The following APC variants were observed in gnomAD, a reference collection of about 807,000 sequenced individuals.
APC encodes the protein APC regulator of Wnt signaling pathway.
APC carries 72 observed loss-of-function variants against 247.0 expected under a neutral mutation model. The ratio of observed to expected loss-of-function variants is 0.29; its 90% confidence interval spans 0.24 to 0.35. The LOEUF (loss-of-function observed/expected upper bound fraction) is 0.35, where lower values mean the gene tolerates loss of function less well. APC is among the 10% of genes least tolerant of loss of function. The pLI, the probability that APC is intolerant of heterozygous loss-of-function variation, is 1.00. For missense variants in APC, 3,400 were observed against 3,360.7 expected (o/e 1.01, Z -0.29); for synonymous variants, 1,254 against 1,162.5 (o/e 1.08, Z -1.60).
chr5:112,712,816 T>C (rs533435323), intron 1 of APC, among the ~76,000 whole-genome samples: 1 of 152,316 alleles, frequency 6.6e-6, no homozygotes, highest in African/African-American at 2.4e-5. Flanking sequence ...GTGTCAGATC[T>C]TGAATATATC....
chr5:112,770,076 A>G (rs1354895650), intron 4 of APC, among the ~76,000 whole-genome samples: 4 of 152,184 alleles, frequency 2.6e-5, no homozygotes, highest in African/African-American at 9.6e-5. Context: ...TTATGTAGGC[A>G]AAGTCCTGAT....
Position 112,801,358 on chromosome 5 carries a change from A to C in APC, c.809A>C (p.Asn270Thr), listed in dbSNP as rs758069998. Residue 270 changes from asparagine (N) to threonine (T), a missense_variant, in exon 8 of 16, where the codon AAC becomes ACC. Transcript: ENST00000257430. ...GAAGGTCAAGGAGTGGGAGAAATCA[A>C]CATGGCAACTTCTGGTAATGGTCAG... ...QNEGQGVGEI[N>T]MATSGNGQGS... The C allele has an allele frequency of 6.2e-7, 1 of 1,611,774 alleles. No homozygotes were observed. The highest frequency in any genetic ancestry group is 1.3e-5 in the African/African-American group (1 of 74,882).
At chr5:112,741,444 G>A (rs1753004468) in intron 1 of APC, among the ~76,000 whole-genome samples, 1 of 152,070 alleles carries the variant, frequency 6.6e-6, no homozygotes, top group Non-Finnish European at 1.5e-5. Context: ...AGTTGACTTT[G>A]TAAATCAAAT....
rs1554067110 is a variant in APC at position 112,754,912 on chromosome 5, C to G, written c.22C>G (p.Gln8Glu). 6.2e-7 allele frequency: 1 copy of G among 1,613,660 alleles called. No homozygotes were observed. Reference sequence around the variant, plus strand: ...AAGGATGGCTGCAGCTTCATATGATCAGTTGTTAAAGCAAGTTGAGGCACT... The same window carrying G: ...AAGGATGGCTGCAGCTTCATATGATGAGTTGTTAAAGCAAGTTGAGGCACT... MAAASYD[Q>E]LLKQVEALKM... is the part of the protein sequence containing the mutation. The change falls in exon 2 of 16, where the codon CAG becomes GAG. Residue 8 changes from glutamine to glutamate, a missense_variant. By Grantham distance (29) the Gln-to-Glu change is conservative. Transcript: ENST00000257430.
intron 1 of APC, among the ~76,000 whole-genome samples, chr5:112,723,337 T>A (rs1751589459): frequency 6.6e-6 from 1 of 152,010 alleles, no homozygotes; most frequent in Non-Finnish European, 1.5e-5. Flanking sequence ...TGGTGCAGCC[T>A]TGTGGTGCCA....
chr5:112,816,338 G>C (rs1762508688), intron 9 of APC, among the ~76,000 whole-genome samples: 1 of 152,170 alleles, frequency 6.6e-6, no homozygotes. Context: ...ATCTTTTGCT[G>C]TGTCTAACAG....
At chr5:112,818,921 G>T (rs759050629) in intron 9 of APC, 45 bp from the exon 10 acceptor site, 2 of 1,605,860 alleles carry the variant, frequency 1.2e-6, no homozygotes, top group Admixed American at 1.7e-5. Context: ...TTGGCTTTTG[G>T]ATATTAAAGT....
rs200166878 is a variant in APC, at chr5:112,839,843, A to C, written c.4249A>C (p.Ile1417Leu). ...SEPCSGMVSG[I>L]ISPSDLPDSP... ...ACCATGCAGTGGAATGGTAAGTGGC[A>C]TTATAAGCCCCAGTGATCTTCCAGA... Residue 1417 changes from isoleucine (I) to leucine (L), a missense_variant, in exon 16 of 16, where the codon ATT (isoleucine) becomes CTT (leucine). Coordinates refer to ENST00000257430, the MANE Select transcript of APC (RefSeq NM_000038.6). The surrounding 1 kb of genome is among the most constrained non-coding windows in gnomAD (Gnocchi z 5.0). The C allele has an allele frequency of 4.1e-5, 66 of 1,613,998 alleles. No individual in the cohort carries two copies. The highest frequency in any genetic ancestry group is 2.7e-4 in the Admixed American group (16 of 59,984).
Position 112,766,334 on chromosome 5 carries a change from T to C in APC, c.144T>C (p.Leu48=). 6.2e-7 allele frequency: 1 copy of C among 1,602,954 alleles called. No individual in the cohort carries two copies. The highest frequency in any genetic ancestry group is 8.5e-7 in the Non-Finnish European group (1 of 1,170,088). The change falls in exon 3 of 16, where the codon CTT becomes CTC. Residue 48 remains leucine (L), a synonymous_variant. Coordinates refer to ENST00000257430, the MANE Select transcript of APC (RefSeq NM_000038.6). ...TGTGTTCTTTTTAACAGGAAGTACTTAAACAACTACAAGGAAGTATTGAAG... is the reference window on the plus strand; with the variant it reads ...TGTGTTCTTTTTAACAGGAAGTACTCAAACAACTACAAGGAAGTATTGAAG... ...ETEASNMKEV[L]KQLQGSIEDE...
Position 112,803,991 on chromosome 5 carries a change from A to G in APC, c.834+2608A>G, listed in dbSNP as rs1761108142. ...CTTACTCTTCCAAGAGTATCTCACAATATTTGCCCACATTTCTCACCACTC... is the reference window on the plus strand; with the variant it reads ...CTTACTCTTCCAAGAGTATCTCACAGTATTTGCCCACATTTCTCACCACTC... On this transcript the variant is annotated intron_variant, in intron 8 of 15. Transcript: ENST00000257430. Among the ~76,000 whole-genome samples, 3 of 152,172 alleles carry G rather than the reference A, an allele frequency of 2.0e-5. No individual in the cohort carries two copies. In the South Asian group the frequency reaches 6.2e-4, roughly 32 times the overall value.
chr5:112,834,110 T>C (rs904342294), intron 14 of APC, among the ~76,000 whole-genome samples: 5 of 151,944 alleles, frequency 3.3e-5, no homozygotes, highest in African/African-American at 1.2e-4. Context: ...AGCTCATTTT[T>C]TTTTTATTTT....
chr5:112,794,943 G>A (rs1760041119), intron 7 of APC, among the ~76,000 whole-genome samples: 1 of 152,226 alleles, frequency 6.6e-6, no homozygotes, highest in South Asian at 2.1e-4. Context: ...AGGAAGGGGT[G>A]TAGGAATGGG....
chr5:112,803,900 T>G (rs1303024888), intron 8 of APC, among the ~76,000 whole-genome samples: 2 of 152,222 alleles, frequency 1.3e-5, no homozygotes, highest in African/African-American at 4.8e-5. Context: ...ATTATATCAC[T>G]TATTTGTTTA....
chr5:112,771,659 T>A (rs564665286), intron 4 of APC, among the ~76,000 whole-genome samples: 7 of 152,302 alleles, frequency 4.6e-5, no homozygotes, highest in African/African-American at 1.4e-4. Flanking sequence ...AGCTTTTGAA[T>A]GTTTTGGTAT....
chr5:112,812,882 T>G (rs1171298173), intron 8 of APC, among the ~76,000 whole-genome samples: 2 of 152,220 alleles, frequency 1.3e-5, no homozygotes, highest in African/African-American at 4.8e-5. Flanking sequence ...AGTCAATAGC[T>G]GGTGGCAGTG....
Position 112,818,950 on chromosome 5 carries a change from C to T in APC, c.934-16C>T. 1 of 1,539,462 alleles carries T rather than the reference C, an allele frequency of 6.5e-7. No homozygotes were observed. Among genetic ancestry groups the T allele is most frequent in the Non-Finnish European group, 8.8e-7 (1 of 1,135,778 alleles). ...TTAAAGTCGTAATTTTGTTTCTAAA[C>T]TCATTTGGCCCACAGGTGGAAATGG... On this transcript the variant is annotated splice_polypyrimidine_tract_variant and intron_variant, in intron 9 of 15. Transcript: ENST00000257430.
At chr5:112,714,371 T>G (rs945449150) in intron 1 of APC, among the ~76,000 whole-genome samples, 2 of 152,234 alleles carry the variant, frequency 1.3e-5, no homozygotes, top group African/African-American at 4.8e-5. Context: ...TGCTTTGCCT[T>G]TTGAAAGAAT....
intron 8 of APC, 88 bp from the exon 9 acceptor site, chr5:112,815,407 G>A: frequency 1.1e-6 from 1 of 918,494 alleles, no homozygotes; most frequent in Non-Finnish European, 1.8e-6. Context: ...TTATCATACA[G>A]ACACTTCATT....
chr5:112,822,520 ACATTT>A (rs1473149205), intron 11 of APC, among the ~76,000 whole-genome samples: 7 of 152,202 alleles, frequency 4.6e-5, no homozygotes, highest in Non-Finnish European at 2.9e-5. Flanking sequence ...TAAGTCAGAA[ACATTT>A]CATTATAACT....
Sources: allele counts gnomAD v4.1 joint callset (sites outside exome capture counted in the v4.1 genomes callset), GRCh38; gene constraint gnomAD v4.1.1; non-coding constraint Gnocchi (gnomAD v3.1); transcripts MANE v1.5; gene names NCBI Gene and HGNC (gene_info 2026-07-23, HGNC 2026-07-21).